The following ITPR2 variants were observed in gnomAD, a reference collection of about 807,000 sequenced individuals.
ITPR2 encodes the protein inositol 1,4,5-trisphosphate receptor type 2.
A neutral mutation model predicts 317.1 loss-of-function variants in ITPR2; 207 were observed. The ratio of observed to expected loss-of-function variants is 0.65; its 90% CI spans 0.58 to 0.73. ITPR2 has a LOEUF of 0.73. Ranked by LOEUF, ITPR2 falls within the 30% of genes least tolerant of loss-of-function variation. ITPR2 has a pLI of 0.00. For synonymous variants in ITPR2, 1,156 were observed against 1,149.1 expected (o/e 1.01, Z -0.12); for missense variants, 2,613 against 3,284.0 (o/e 0.80, Z 4.99).
chr12:26,516,916 C>A (rs1235476213), intron 37 of ITPR2, among the ~76,000 whole-genome samples: 1 of 151,890 alleles, frequency 6.6e-6, no homozygotes, highest in Non-Finnish European at 1.5e-5. Flanking sequence ...ATGGAAGACT[C>A]AGCATATACA....
intron 26 of ITPR2, among the ~76,000 whole-genome samples, chr12:26,617,600 G>T (rs1946398400): frequency 6.9e-6 from 1 of 145,256 alleles, no homozygotes. Flanking sequence ...AAGAAAGAAA[G>T]AAAAGAAAAG....
At chr12:26,404,700 G>A (rs1940290573) in intron 52 of ITPR2, among the ~76,000 whole-genome samples, 1 of 152,182 alleles carries the variant, frequency 6.6e-6, no homozygotes, top group African/African-American at 2.4e-5. Flanking sequence ...AAACCCAGAG[G>A]AAGGTTGAAT....
At chr12:26,666,356 A>G (rs1302099912) in intron 13 of ITPR2, among the ~76,000 whole-genome samples, 2 of 152,288 alleles carry the variant, frequency 1.3e-5, no homozygotes, top group Middle Eastern at 3.4e-3. Context: ...AGCATCTCCA[A>G]TCTCTACTTG....
intron 45 of ITPR2, among the ~76,000 whole-genome samples, chr12:26,458,652 G>A (rs770581395): frequency 2.6e-5 from 4 of 152,330 alleles, no homozygotes; most frequent in African/African-American, 7.2e-5. Flanking sequence ...AGGGGTGACG[G>A]AGGGGAACAT....
At chr12:26,356,179 G>A (rs1273829673) in intron 55 of ITPR2, among the ~76,000 whole-genome samples, 1 of 152,200 alleles carries the variant, frequency 6.6e-6, no homozygotes, top group Non-Finnish European at 1.5e-5. Flanking sequence ...CCAGTACAGG[G>A]TGGTGCACAG....
chr12:26,738,020 C>A (rs958772399), intron 2 of ITPR2, among the ~76,000 whole-genome samples: 2 of 152,146 alleles, frequency 1.3e-5, no homozygotes, highest in African/African-American at 4.8e-5. Flanking sequence ...CACACACACG[C>A]ACACACATAC....
intron 37 of ITPR2, among the ~76,000 whole-genome samples, chr12:26,514,349 G>A (rs114392795): frequency 5.3e-5 from 8 of 152,268 alleles, no homozygotes; most frequent in African/African-American, 1.4e-4. Context: ...ATGAAGTCCC[G>A]AAAATGATTT....
chr12:26,667,043 C>CT (rs1947645821), intron 13 of ITPR2, among the ~76,000 whole-genome samples: 1 of 152,146 alleles, frequency 6.6e-6, no homozygotes, highest in Non-Finnish European at 1.5e-5. Context: ...TAGACAAAAG[C>CT]TGACCAATAA....
intron 2 of ITPR2, among the ~76,000 whole-genome samples, chr12:26,734,427 A>C (rs948270606): frequency 1.3e-5 from 2 of 152,210 alleles, no homozygotes; most frequent in Non-Finnish European, 1.5e-5. Context: ...AGACAATCCA[A>C]ACACCTGTAA....
At chr12:26,386,365 A>G (rs1181898143) in intron 55 of ITPR2, among the ~76,000 whole-genome samples, 1 of 152,336 alleles carries the variant, frequency 6.6e-6, no homozygotes, top group Admixed American at 6.5e-5. Flanking sequence ...AGCATGAAAA[A>G]TGCTGAAATA....
chr12:26,418,462 T>A lies in ITPR2; in HGVS notation c.7110+587A>T, dbSNP rs559145716. On this transcript the variant is annotated intron_variant, in intron 50 of 56. Transcript: ENST00000381340. ...ATAGGAAGGTAAATCAGAATTTTTT[T>A]AAAAAGTAACCTTTAGAAAAAAATT... Among the ~76,000 whole-genome samples, 26 of 152,236 alleles carry A rather than the reference T, an allele frequency of 1.7e-4. No homozygotes were observed. In the East Asian group the frequency reaches 3.7e-3, roughly 21 times the overall value.
At chr12:26,543,503 A>C (rs965232747) in intron 37 of ITPR2, among the ~76,000 whole-genome samples, 11 of 152,160 alleles carry the variant, frequency 7.2e-5, no homozygotes, top group Non-Finnish European at 1.3e-4. Flanking sequence ...CATTGCCCTC[A>C]GGCTGGGCAC....
At position 26,340,222 on chromosome 12, in the gene ITPR2, G is replaced by C; in HGVS notation, c.7964C>G (p.Ser2655Trp). Reference protein sequence around the residue: ...EIRSLQEKLESTMSLVKQLSG... With the variant: ...EIRSLQEKLEWTMSLVKQLSG... ...CAGCTGTTTGACCAGACTCATGGTC[G>C]ATTCCAACTTCTCCTGAAGGCTCCG... The change falls in exon 56 of 57, where the codon TCG becomes TGG. Residue 2655 changes from serine (S) to tryptophan (W), a missense_variant. This residue lies in a region of ITPR2 where 119 missense variants were observed against 144.3 expected (regional missense o/e 0.82). Transcript: ENST00000381340. 1 of 1,610,270 alleles carries C rather than the reference G, an allele frequency of 6.2e-7. No individual in the cohort carries two copies. The highest frequency in any genetic ancestry group is 8.5e-7 in the Non-Finnish European group (1 of 1,178,420).
intron 8 of ITPR2, among the ~76,000 whole-genome samples, chr12:26,713,588 GT>G (rs566756087): frequency 2.9e-4 from 44 of 152,274 alleles, no homozygotes; most frequent in African/African-American, 1.0e-3. Context: ...GATGGAAAGG[GT>G]TCACTGCAGT....
intron 2 of ITPR2, among the ~76,000 whole-genome samples, chr12:26,778,292 C>A (rs12297349): frequency 6.6e-6 from 1 of 152,168 alleles, no homozygotes; most frequent in Non-Finnish European, 1.5e-5. Context: ...GTGCCACCAT[C>A]GAGGACTTGA....
chr12:26,811,479 C>T (rs1305931911), intron 1 of ITPR2, among the ~76,000 whole-genome samples: 7 of 151,760 alleles, frequency 4.6e-5, no homozygotes, highest in Non-Finnish European at 1.0e-4. Context: ...GGCGCGGTGG[C>T]TCACGCCTGT....
chr12:26,532,763 T>C (rs1478455789), intron 37 of ITPR2, among the ~76,000 whole-genome samples: 1 of 152,176 alleles, frequency 6.6e-6, no homozygotes, highest in East Asian at 1.9e-4. Flanking sequence ...CTTGGCTCAC[T>C]GCAACCTTCA....
At chr12:26,733,085 A>G (rs1384212699) in intron 2 of ITPR2, among the ~76,000 whole-genome samples, 1 of 151,496 alleles carries the variant, frequency 6.6e-6, no homozygotes, top group Non-Finnish European at 1.5e-5. Context: ...TAATCCCAGC[A>G]CTTTGGGAGG....
At chr12:26,481,013 A>G in intron 43 of ITPR2, 118 bp downstream of exon 43, 1 of 558,316 alleles carries the variant, frequency 1.8e-6, no homozygotes, top group African/African-American at 1.9e-5. Flanking sequence ...TACTTTCACT[A>G]TCCCTTTCTG....
Sources: allele counts gnomAD v4.1 joint callset (sites outside exome capture counted in the v4.1 genomes callset), GRCh38; gene constraint gnomAD v4.1.1; regional missense constraint gnomAD v4.1.1; transcripts MANE v1.5; gene names NCBI Gene and HGNC (gene_info 2026-07-23, HGNC 2026-07-21).